FCHSD2: variants seen among roughly 807,000 people sequenced by gnomAD.
FCHSD2 encodes F-BAR and double SH3 domains protein 2.
Under a neutral mutation model 108.1 loss-of-function variants are expected in FCHSD2, and 38 were observed. The ratio of observed to expected loss-of-function variants is 0.35; its 90% CI spans 0.27 to 0.46. The LOEUF (loss-of-function observed/expected upper bound fraction) is 0.46. FCHSD2 is among the 20% of genes least tolerant of loss of function. The pLI is 1.00. For missense variants in FCHSD2, 751 were observed against 897.8 expected (o/e 0.84, Z 2.09); for synonymous variants, 279 against 314.7 (o/e 0.89, Z 1.20).
intron 2 of FCHSD2, among the ~76,000 whole-genome samples, chr11:73,108,289 C>A (rs958646411): frequency 3.9e-5 from 6 of 152,226 alleles, no homozygotes. Flanking sequence ...AAGCTCATTA[C>A]ATATTCTAGT....
At chr11:73,068,811 A>AG (rs1859358542) in intron 3 of FCHSD2, among the ~76,000 whole-genome samples, 1 of 124,110 alleles carries the variant, frequency 8.1e-6, no homozygotes, top group East Asian at 2.6e-4. Flanking sequence ...CTCTACAAAA[A>AG]GTAAAAAAAA....
intron 8 of FCHSD2, among the ~76,000 whole-genome samples, chr11:72,925,214 A>G (rs1301026339): frequency 6.6e-6 from 1 of 152,214 alleles, no homozygotes; most frequent in Non-Finnish European, 1.5e-5. Context: ...AAAGAAAATC[A>G]AAGTTCTGCT....
chr11:72,915,316 A>T (rs1313187344), intron 9 of FCHSD2, among the ~76,000 whole-genome samples: 2 of 152,230 alleles, frequency 1.3e-5, no homozygotes, highest in South Asian at 4.1e-4. Flanking sequence ...AATTAGTTCA[A>T]CCATCGTGGA....
At chr11:72,916,968 C>CTTTTTTTTTTT (rs71062793) in intron 9 of FCHSD2, among the ~76,000 whole-genome samples, 23 of 118,792 alleles carry the variant, frequency 1.9e-4, no homozygotes, top group African/African-American at 7.2e-4. Flanking sequence ...GAACTTCATT[C>CTTTTTTTTTTT]TTTTTTTTTT....
chr11:73,061,510 G>A (rs886542756), intron 3 of FCHSD2, among the ~76,000 whole-genome samples: 1 of 152,190 alleles, frequency 6.6e-6, no homozygotes, highest in Non-Finnish European at 1.5e-5. Context: ...CAAGTGGTAT[G>A]GGTCTGCGGG....
intron 3 of FCHSD2, among the ~76,000 whole-genome samples, chr11:73,040,230 G>A (rs1303296165): frequency 5.3e-5 from 8 of 152,170 alleles, no homozygotes; most frequent in Non-Finnish European, 1.0e-4. Context: ...TTATGCAAAT[G>A]CCAACCAACC....
chr11:73,120,727 CT>C (rs1445382396), intron 2 of FCHSD2, among the ~76,000 whole-genome samples: 1 of 148,456 alleles, frequency 6.7e-6, no homozygotes, highest in African/African-American at 2.5e-5. Context: ...AAAATTGTGT[CT>C]AAAAAAATAA....
At chr11:73,026,494 TTAAAA>T (rs1482141736) in intron 3 of FCHSD2, among the ~76,000 whole-genome samples, 6 of 152,100 alleles carry the variant, frequency 3.9e-5, no homozygotes, top group African/African-American at 1.4e-4. Flanking sequence ...AAAATTTATT[TTAAAA>T]TAAAAGAAAC....
At chr11:73,028,434 C>T (rs1858279598) in intron 3 of FCHSD2, among the ~76,000 whole-genome samples, 1 of 152,190 alleles carries the variant, frequency 6.6e-6, no homozygotes, top group African/African-American at 2.4e-5. Flanking sequence ...TGAATGGCAG[C>T]ATTTATCAAA....
At chr11:72,878,485 TC>T (rs1443398464) in intron 12 of FCHSD2, among the ~76,000 whole-genome samples, 3 of 152,150 alleles carry the variant, frequency 2.0e-5, no homozygotes, top group Non-Finnish European at 4.4e-5. Flanking sequence ...AATCAGAGCT[TC>T]TTGGAGAAAC....
At chr11:73,140,173 C>T (rs1861213655) in intron 1 of FCHSD2, 45 bp from the exon 2 acceptor site, 18 of 1,222,670 alleles carry the variant, frequency 1.5e-5, no homozygotes, top group Non-Finnish European at 1.8e-5. Flanking sequence ...ACAAATTTAA[C>T]CCAAAAAAAT....
At chr11:72,947,393 C>T (rs946385750) in intron 8 of FCHSD2, among the ~76,000 whole-genome samples, 1 of 152,208 alleles carries the variant, frequency 6.6e-6, no homozygotes, top group Non-Finnish European at 1.5e-5. Context: ...CTTATGCTCT[C>T]CCATGTAGTG....
In FCHSD2 at chr11:72,907,143, T is replaced by C. The variant is rs117127779; in HGVS notation, c.829-4505A>G. Reference sequence around the variant, plus strand: ...GGAGTTCACTCATTATTTGGCTCTCTATTACTGCTGGAATGCCTGTGATTT... The same window carrying C: ...GGAGTTCACTCATTATTTGGCTCTCCATTACTGCTGGAATGCCTGTGATTT... On this transcript the variant is annotated intron_variant, in intron 9 of 19. Transcript: ENST00000409418. 3.3e-5 allele frequency among the ~76,000 whole-genome samples: 5 copies of C among 152,348 alleles called. No homozygotes were observed. In the East Asian group the frequency reaches 9.6e-4, roughly 29 times the overall value.
intron 2 of FCHSD2, among the ~76,000 whole-genome samples, chr11:73,091,970 G>T (rs1425092707): frequency 6.6e-6 from 1 of 152,102 alleles, no homozygotes; most frequent in Non-Finnish European, 1.5e-5. Context: ...GGGAGACAGA[G>T]GTTGCAGTGA....
intron 2 of FCHSD2, among the ~76,000 whole-genome samples, chr11:73,100,737 C>T (rs1366857659): frequency 6.6e-6 from 1 of 152,136 alleles, no homozygotes; most frequent in East Asian, 1.9e-4. Context: ...CACAGAAACG[C>T]AGCTTGGATG....
chr11:73,082,370 A>G (rs1286768676), intron 3 of FCHSD2, among the ~76,000 whole-genome samples: 1 of 150,588 alleles, frequency 6.6e-6, no homozygotes, highest in East Asian at 1.9e-4. Flanking sequence ...AAAGAAAAGA[A>G]AAAGCATTCA....
intron 3 of FCHSD2, among the ~76,000 whole-genome samples, chr11:73,024,125 T>C (rs1210296868): frequency 1.3e-5 from 2 of 151,958 alleles, no homozygotes; most frequent in African/African-American, 4.8e-5. Flanking sequence ...CCACAGAACT[T>C]TGACAAGAGA....
chr11:73,090,174 T>C (rs981914745), intron 2 of FCHSD2, among the ~76,000 whole-genome samples: 5 of 150,386 alleles, frequency 3.3e-5, no homozygotes, highest in African/African-American at 9.7e-5. Context: ...CATCTTTTCA[T>C]ATAAAAATGT....
chr11:72,877,080 A>T lies in FCHSD2; in HGVS notation c.1147-9054T>A, dbSNP rs540728577. ...TCAACCTCCAGGCTGCCTCCAGTGCAGCCTCATCCTCCTACCTCACCTCAG... is the reference window on the plus strand; with the variant it reads ...TCAACCTCCAGGCTGCCTCCAGTGCTGCCTCATCCTCCTACCTCACCTCAG... On this transcript the variant is annotated intron_variant, in intron 12 of 19. Transcript: ENST00000409418. 2.8e-4 allele frequency among the ~76,000 whole-genome samples: 42 copies of T among 151,908 alleles called. No individual in the cohort carries two copies. In the South Asian group the frequency reaches 8.6e-3, roughly 31 times the overall value.
Sources: gnomAD v4.1 joint callset for allele counts (sites outside exome capture counted in the v4.1 genomes callset) on GRCh38, gnomAD v4.1.1 for gene constraint, MANE v1.5 for transcripts, NCBI Gene and HGNC (gene_info 2026-07-23, HGNC 2026-07-21) for gene names.